Variants in ANKS1B observed in about 807,000 individuals in gnomAD.
ANKS1B encodes ankyrin repeat and sterile alpha motif domain-containing protein 1B.
In ANKS1B, 36 loss-of-function variants were observed where a neutral mutation model predicts 148.3. The observed-to-expected ratio is 0.24, with a 90% CI of 0.19 to 0.32. The LOEUF is 0.32. Ranked by LOEUF, ANKS1B falls within the 10% of genes least tolerant of loss-of-function variation. The pLI is 1.00. For missense variants in ANKS1B, 1,157 were observed against 1,542.6 expected (o/e 0.75, Z 4.19); for synonymous variants, 542 against 560.8 (o/e 0.97, Z 0.47).
chr12:98,971,317 T>C (rs975824000), intron 17 of ANKS1B, among the ~76,000 whole-genome samples: 2 of 152,262 alleles, frequency 1.3e-5, no homozygotes, highest in Non-Finnish European at 2.9e-5. Flanking sequence ...TGTAAATATT[T>C]GTTAAAGCAA....
At chr12:99,738,193 T>G (rs1348825923) in intron 8 of ANKS1B, among the ~76,000 whole-genome samples, 3 of 152,206 alleles carry the variant, frequency 2.0e-5, no homozygotes, top group Admixed American at 2.0e-4. Flanking sequence ...AAGCTCAGAT[T>G]GGCAAAAGAC....
chr12:98,811,596 G>T (rs2099096637), intron 19 of ANKS1B, among the ~76,000 whole-genome samples: 1 of 152,098 alleles, frequency 6.6e-6, no homozygotes, highest in Non-Finnish European at 1.5e-5. Flanking sequence ...GGAGAGCACG[G>T]GAATGCATTC....
chr12:98,790,962 A>G (rs1442580080), intron 22 of ANKS1B, among the ~76,000 whole-genome samples: 1 of 152,112 alleles, frequency 6.6e-6, no homozygotes, highest in Non-Finnish European at 1.5e-5. Flanking sequence ...AAGGGCTATA[A>G]AAAATAACAA....
chr12:99,239,993 G>C (rs1236668107), intron 14 of ANKS1B, among the ~76,000 whole-genome samples: 1 of 152,170 alleles, frequency 6.6e-6, no homozygotes, highest in Non-Finnish European at 1.5e-5. Flanking sequence ...TCAACGCTAT[G>C]AGGAAACTGT....
intron 10 of ANKS1B, among the ~76,000 whole-genome samples, chr12:99,475,842 G>A (rs1219326864): frequency 1.3e-5 from 2 of 151,902 alleles, no homozygotes; most frequent in South Asian, 2.1e-4. Flanking sequence ...ATAACAAAGA[G>A]TGTATGTGAG....
At chr12:99,012,426 T>G (rs59560400) in intron 17 of ANKS1B, among the ~76,000 whole-genome samples, 2,360 of 152,326 alleles carry the variant, frequency 0.015, 62 homozygotes, top group African/African-American at 0.054. Context: ...CTACTGCAAT[T>G]TCTAAGACTT....
At chr12:99,121,318 G>GGGGTGTGTGTGTGTGTGTGTGTGT (rs796549235) in intron 15 of ANKS1B, among the ~76,000 whole-genome samples, 1,702 of 105,854 alleles carry the variant, frequency 0.016, 55 homozygotes, top group East Asian at 0.041. Flanking sequence ...TGTGTATGTA[G>GGGGTGTGTGTGTGTGTGTGTGTGT]GTATGTGTGT....
At chr12:99,546,616 C>A (rs1194140637) in intron 9 of ANKS1B, among the ~76,000 whole-genome samples, 1 of 152,134 alleles carries the variant, frequency 6.6e-6, no homozygotes, top group Non-Finnish European at 1.5e-5. Flanking sequence ...GTGTCCACTG[C>A]AGAATTTAGG....
chr12:99,971,498 C>G (rs1324936852), intron 1 of ANKS1B, among the ~76,000 whole-genome samples: 3 of 151,628 alleles, frequency 2.0e-5, no homozygotes, highest in Non-Finnish European at 4.4e-5. Flanking sequence ...ATTCAAAACA[C>G]TAGATACTAT....
chr12:99,209,252 A>G (rs901466610), intron 14 of ANKS1B, among the ~76,000 whole-genome samples: 2 of 152,204 alleles, frequency 1.3e-5, no homozygotes, highest in African/African-American at 4.8e-5. Context: ...CTTTTTCTGC[A>G]TTTATGTAAA....
chr12:99,219,433 A>G (rs921014357), intron 14 of ANKS1B, among the ~76,000 whole-genome samples: 1 of 152,220 alleles, frequency 6.6e-6, no homozygotes, highest in Non-Finnish European at 1.5e-5. Flanking sequence ...AAGCACCGAC[A>G]AAGAAACAAG....
intron 10 of ANKS1B, among the ~76,000 whole-genome samples, chr12:99,502,651 A>G (rs147630020): frequency 1.3e-5 from 2 of 152,252 alleles, no homozygotes; most frequent in African/African-American, 4.8e-5. Context: ...CTAATGTTTC[A>G]ATGCCTCAGT....
intron 15 of ANKS1B, among the ~76,000 whole-genome samples, chr12:99,124,655 G>A (rs998718883): frequency 2.0e-5 from 3 of 152,100 alleles, no homozygotes; most frequent in African/African-American, 7.2e-5. Context: ...CACCTAGGAA[G>A]TAAAAATGAT....
chr12:99,241,418 C>A (rs1300563210), intron 14 of ANKS1B, among the ~76,000 whole-genome samples: 1 of 152,086 alleles, frequency 6.6e-6, no homozygotes, highest in South Asian at 2.1e-4. Context: ...AGCCTACCAA[C>A]TAAAAAAAGT....
In ANKS1B at chr12:99,130,318, AT is replaced by A. The variant is rs371837684; in HGVS notation, c.2526+23970del. Among the ~76,000 whole-genome samples the A allele has an allele frequency of 3.5e-4, 53 of 152,050 alleles. No individual in the cohort carries two copies. The East Asian group carries it at 9.8e-3, about 28-fold the overall frequency. On this transcript the variant is annotated intron_variant, in intron 15 of 26. Transcript: ENST00000683438. Reference sequence around the variant, plus strand: ...AAGCTGGGAGAGTAAAATTTAATTGATTTTTTTTCTTCTGCAGCTCTTGAAG... The same window carrying A: ...AAGCTGGGAGAGTAAAATTTAATTGATTTTTTTCTTCTGCAGCTCTTGAAG...
chr12:99,573,904 A>C (rs2097488784), intron 9 of ANKS1B, among the ~76,000 whole-genome samples: 2 of 151,918 alleles, frequency 1.3e-5, no homozygotes, highest in African/African-American at 2.4e-5. Context: ...ACTCAAAAAA[A>C]AAATTTTTTT....
chr12:99,494,701 C>T (rs1464755284), intron 10 of ANKS1B, among the ~76,000 whole-genome samples: 2 of 140,366 alleles, frequency 1.4e-5, no homozygotes, highest in Non-Finnish European at 3.0e-5. Flanking sequence ...CCCCTGCACT[C>T]CAGCCTAGGT....
At chr12:99,768,993 G>C (rs1458089229) in intron 8 of ANKS1B, among the ~76,000 whole-genome samples, 2 of 145,546 alleles carry the variant, frequency 1.4e-5, no homozygotes, top group Non-Finnish European at 3.0e-5. Context: ...TCGGACTCCA[G>C]AACTGTGAGA....
At chr12:99,489,648 T>G (rs1025791427) in intron 10 of ANKS1B, among the ~76,000 whole-genome samples, 1 of 152,216 alleles carries the variant, frequency 6.6e-6, no homozygotes, top group Admixed American at 6.5e-5. Context: ...AACCAAAGTA[T>G]GCTTCAGTTG....
Sources: gnomAD v4.1 joint callset for allele counts (sites outside exome capture counted in the v4.1 genomes callset) on GRCh38, gnomAD v4.1.1 for gene constraint, MANE v1.5 for transcripts, NCBI Gene and HGNC (gene_info 2026-07-23, HGNC 2026-07-21) for gene names.